Variants in SELENOS observed in about 807,000 individuals in gnomAD.
SELENOS encodes the protein VCP interacting membrane selenoprotein.
SELENOS carries 37 observed loss-of-function variants against 30.2 expected under a neutral mutation model. The ratio of observed to expected loss-of-function variants is 1.23; its 90% CI spans 0.94 to 1.61. The LOEUF is 1.61. Among genes scored for constraint, SELENOS ranks in the 40% most tolerant of loss-of-function variants. The pLI, the probability that SELENOS is intolerant of heterozygous loss-of-function variation, is 0.00. For synonymous variants in SELENOS, 119 were observed against 91.6 expected (o/e 1.30, Z -1.71); for missense variants, 289 against 231.8 (o/e 1.25, Z -1.60).
intron 1 of SELENOS, 71 bp downstream of exon 1, chr15:101,277,271 G>C: frequency 1.3e-6 from 2 of 1,523,078 alleles, no homozygotes; most frequent in Admixed American, 2.0e-5. Flanking sequence ...TGCAGCGGCG[G>C]ACGACCCACC....
Position 101,275,499 on chromosome 15 carries a change from T to G in SELENOS, c.212-138A>C, listed in dbSNP as rs953427267. The G allele has an allele frequency of 4.7e-5, 34 of 720,146 alleles. No individual in the cohort carries two copies. The East Asian group carries it at 1.1e-3, about 23-fold the overall frequency. 44.6% of individuals were successfully genotyped at this position (720,146 alleles called of 1,614,324 possible). A position where few individuals can be genotyped will look rare whatever the true frequency, so the allele number is the denominator to read the frequency against. Reference sequence around the variant, plus strand: ...CAACATATTTTTACATAAGTACTCCTAACCCCTCTGCATACATTTTACTGC... The same window carrying G: ...CAACATATTTTTACATAAGTACTCCGAACCCCTCTGCATACATTTTACTGC... On this transcript the variant is annotated intron_variant, in intron 2 of 5. Transcript: ENST00000526049.
intron 3 of SELENOS, 54 bp from the exon 4 acceptor site, chr15:101,274,735 A>G: frequency 6.6e-7 from 1 of 1,512,088 alleles, no homozygotes; most frequent in South Asian, 1.2e-5. Flanking sequence ...ATTTCTCTCA[A>G]AGACAAAGCT....
Position 101,277,338 on chromosome 15 carries a change from T to C in SELENOS, c.76+4A>G, listed in dbSNP as rs963870142. The C allele has an allele frequency of 1.3e-6, 2 of 1,514,690 alleles. No homozygotes were observed. The highest frequency in any genetic ancestry group is 1.4e-5 in the African/African-American group (1 of 70,322). 93.8% of individuals were successfully genotyped at this position (1,514,690 alleles called of 1,614,324 possible). ...GCGCGCCCGGCTGCCCCGCAACGAC[T>C]CACCCGTGGTGTGCAGGAAGCGCAG... is the stretch of plus-strand genomic sequence containing the variant. On this transcript the variant is annotated splice_donor_region_variant and intron_variant, in intron 1 of 5. Transcript: ENST00000526049.
chr15:101,277,335 G>A lies in SELENOS; in HGVS notation c.76+7C>T. The A allele has an allele frequency of 1.3e-6, 2 of 1,514,680 alleles. No individual in the cohort carries two copies. The highest frequency in any genetic ancestry group is 1.8e-6 in the Non-Finnish European group (2 of 1,138,672). 93.8% of individuals were successfully genotyped at this position (1,514,680 alleles called of 1,614,324 possible). On this transcript the variant is annotated splice_region_variant and intron_variant, in intron 1 of 5. Coordinates refer to ENST00000526049, the MANE Select transcript of SELENOS (RefSeq NM_018445.6). ...GGCGCGCGCCCGGCTGCCCCGCAAC[G>A]ACTCACCCGTGGTGTGCAGGAAGCG...
Position 101,272,841 on chromosome 15 carries a change from G to A in SELENOS, c.500C>T (p.Ser167Phe). Residue 167 changes from serine to phenylalanine, a missense_variant, in exon 6 of 6, where the codon TCT becomes TTT. Physicochemically the swap from Ser to Phe is radical, Grantham distance 155. Coordinates refer to ENST00000526049, the MANE Select transcript of SELENOS (RefSeq NM_018445.6). ...GGAGCAAGCTCCGCCTCCTTCACCA[G>A]ACAACGGGTTATAACCTGGGAGGAC... ...PLRGGGYNPL[S>F]GEGGGACSWR... The A allele has an allele frequency of 6.2e-7, 1 of 1,608,460 alleles. No homozygotes were observed. Among genetic ancestry groups the A allele is most frequent in the Non-Finnish European group, 8.5e-7 (1 of 1,177,520 alleles).
chr15:101,277,207 C>G (rs1567120592), intron 1 of SELENOS, 135 bp downstream of exon 1: 1 of 1,424,422 alleles, frequency 7.0e-7, no homozygotes, highest in South Asian at 1.2e-5. Context: ...GCCCAAGGTC[C>G]GCGTAAGCGC....
chr15:101,276,465 CT>C (rs1381557290), intron 2 of SELENOS, 75 bp downstream of exon 2: 1 of 1,420,116 alleles, frequency 7.0e-7, no homozygotes, highest in African/African-American at 1.5e-5. Context: ...GCCCCTCTTA[CT>C]TTTACTAAGA....
rs771951584 is a variant in SELENOS at position 101,274,442 on chromosome 15, G to A, written c.462C>T (p.Asp154=). Residue 154 remains aspartate, a synonymous_variant, in exon 5 of 6, where the codon GAC becomes GAT. Coordinates refer to ENST00000526049, the MANE Select transcript of SELENOS (RefSeq NM_018445.6). ...TACCTCCTCCCCGCAAAGGCTTTCT[G>A]TCCGATTTCCGTTTCAGGACAGATG... ...STSSVLKRKS[D]RKPLRGGGYN... is the part of the protein sequence containing the mutation. 5 of 1,609,002 alleles carry A rather than the reference G, an allele frequency of 3.1e-6. No homozygotes were observed. The highest frequency in any genetic ancestry group is 4.2e-6 in the Non-Finnish European group (5 of 1,177,466).
downstream of SELENOS, chr15:101,271,158 G>C (rs897519211): frequency 6.6e-6 from 1 of 152,192 alleles, no homozygotes; most frequent in African/African-American, 2.4e-5. Context: ...GCGATGTGTA[G>C]TTGACAGCCA....
intron 2 of SELENOS, among the ~76,000 whole-genome samples, chr15:101,276,238 C>T (rs56936783): frequency 7.0e-6 from 1 of 143,180 alleles, no homozygotes; most frequent in Admixed American, 7.0e-5. Flanking sequence ...CCATATACTT[C>T]CTACTTTTTT....
In SELENOS at chr15:101,276,563, C is replaced by CAGCT; in HGVS notation, c.185_188dup (p.Asp64AlafsTer11). On this transcript the variant is annotated frameshift_variant, in exon 2 of 6. Coordinates refer to ENST00000526049, the MANE Select transcript of SELENOS (RefSeq NM_018445.6). LOFTEE classifies it high-confidence loss of function. ...AACCCACAGCAGCCGCAGCTCGGTC[C>CAGCT]AGCTGCCTCTGCCTCAAGGCTCTTA... 1 of 1,612,100 alleles carries CAGCT rather than the reference C, an allele frequency of 6.2e-7. No individual in the cohort carries two copies. Among genetic ancestry groups the CAGCT allele is most frequent in the Non-Finnish European group, 8.5e-7 (1 of 1,179,302 alleles).
chr15:101,275,342 T>C lies in SELENOS; in HGVS notation c.231A>G (p.Lys77=). 1 of 1,578,188 alleles carries C rather than the reference T, an allele frequency of 6.3e-7. No individual in the cohort carries two copies. The highest frequency in any genetic ancestry group is 8.6e-7 in the Non-Finnish European group (1 of 1,161,154). ...GAGCAGCTGCTAAAGCTTCTTGTCG[T>C]TTAACAACAACATCAGGTTCTAAAA... ...AAAVEPDVVV[K]RQEALAAARL... Residue 77 remains lysine (K), a synonymous_variant, in exon 3 of 6, where the codon AAA becomes AAG. Coordinates refer to ENST00000526049, the MANE Select transcript of SELENOS (RefSeq NM_018445.6).
intron 1 of SELENOS, 78 bp downstream of exon 1, chr15:101,277,264 A>C: frequency 1.3e-6 from 2 of 1,521,716 alleles, no homozygotes; most frequent in Middle Eastern, 1.7e-4. Context: ...CGCCCGGTGC[A>C]GCGGCGGACG....
chr15:101,276,017 G>A (rs1439521018), intron 2 of SELENOS, among the ~76,000 whole-genome samples: 1 of 151,430 alleles, frequency 6.6e-6, no homozygotes, highest in Non-Finnish European at 1.5e-5. Context: ...CAGCTCCCAG[G>A]TTCAAGCGAT....
At chr15:101,276,931 T>C in intron 1 of SELENOS, 1 of 527,742 alleles carries the variant, frequency 1.9e-6, no homozygotes, top group Non-Finnish European at 3.4e-6. Context: ...CAACTGGGTT[T>C]TGAAGAATGA....
At chr15:101,274,564 A>G (rs1437259240) in intron 4 of SELENOS, 28 bp downstream of exon 4, 1 of 1,612,032 alleles carries the variant, frequency 6.2e-7, no homozygotes, top group Non-Finnish European at 8.5e-7. Flanking sequence ...CATCTACCGC[A>G]TGCCAGCCGG....
At chr15:101,273,515 GA>G (rs1416224416) in intron 5 of SELENOS, among the ~76,000 whole-genome samples, 1 of 152,222 alleles carries the variant, frequency 6.6e-6, no homozygotes, top group African/African-American at 2.4e-5. Context: ...TGGGGATGCT[GA>G]AAGAGGCCGT....
At position 101,272,668 on chromosome 15, in the gene SELENOS, C is replaced by A; in HGVS notation, c.*103G>T. On this transcript the variant is annotated 3_prime_UTR_variant, in exon 6 of 6. Transcript: ENST00000526049. The stretch of plus-strand genomic sequence containing the variant: ...GTGTAGTTAGGAACAGAAATCAACC[C>A]CACCTCCCCTTGGCTAGTCACTGTG... The A allele has an allele frequency of 1.6e-6, 2 of 1,232,164 alleles. No homozygotes were observed. The highest frequency in any genetic ancestry group is 2.3e-6 in the Non-Finnish European group (2 of 863,502). The allele number at this position is 1,232,164 out of a possible 1,614,324, so 76.3% of individuals were successfully genotyped here.
rs536026906 is a variant in SELENOS, at chr15:101,274,911, C to T, written c.319-230G>A. Reference sequence around the variant, plus strand: ...GCAAAATGTTTCATGAAAAAGATTACTGACTCCATTCTTCTGAAACTCACT... The same window carrying T: ...GCAAAATGTTTCATGAAAAAGATTATTGACTCCATTCTTCTGAAACTCACT... On this transcript the variant is annotated intron_variant, in intron 3 of 5. Transcript: ENST00000526049. 4 of 597,464 alleles carry T rather than the reference C, an allele frequency of 6.7e-6. No individual in the cohort carries two copies. In the Admixed American group the frequency reaches 1.0e-4, roughly 15 times the overall value. The allele number at this position is 597,464 out of a possible 1,614,324, so 37.0% of individuals were successfully genotyped here. A position where few individuals can be genotyped will look rare whatever the true frequency, so the allele number is the denominator to read the frequency against.
Sources: gnomAD v4.1 joint callset for allele counts (sites outside exome capture counted in the v4.1 genomes callset) on GRCh38, gnomAD v4.1.1 for gene constraint, MANE v1.5 for transcripts, NCBI Gene and HGNC (gene_info 2026-07-23, HGNC 2026-07-21) for gene names.